The following PIEZO2 variants were observed in gnomAD, a reference collection of about 807,000 sequenced individuals.
The protein encoded by PIEZO2 is piezo-type mechanosensitive ion channel component 2.
In PIEZO2, 172 loss-of-function variants were observed where a neutral mutation model predicts 337.3. That is an observed-to-expected ratio of 0.51 (90% CI 0.45 to 0.58). PIEZO2 has a LOEUF of 0.58. Among genes scored for constraint, PIEZO2 ranks in the 20% least tolerant of loss-of-function variants. PIEZO2 has a pLI of 0.00. For missense variants in PIEZO2, 3,028 were observed against 3,391.3 expected (o/e 0.89, Z 2.66); for synonymous variants, 1,251 against 1,228.5 (o/e 1.02, Z -0.38).
intron 42 of PIEZO2, chr18:10,704,151 T>G (rs940586693): frequency 5.5e-6 from 3 of 542,234 alleles, no homozygotes; most frequent in African/African-American, 1.9e-5. Flanking sequence ...TAAATGGGAA[T>G]GATGCCAGTA....
intron 27 of PIEZO2, 25 bp from the exon 28 acceptor site, chr18:10,752,904 A>G: frequency 1.3e-6 from 2 of 1,518,692 alleles, no homozygotes; most frequent in Middle Eastern, 3.5e-4. Flanking sequence ...CAGTGACAAA[A>G]AGACAACAAC....
At chr18:10,718,831 T>C (rs919622940) in intron 36 of PIEZO2, among the ~76,000 whole-genome samples, 2 of 151,578 alleles carry the variant, frequency 1.3e-5, no homozygotes, top group Admixed American at 1.3e-4. Flanking sequence ...GGGCAACATA[T>C]AGAAAATCAA....
Position 10,704,548 on chromosome 18 carries a change from G to A in PIEZO2, c.6104C>T (p.Ser2035Leu), listed in dbSNP as rs1343781404. ...YAMYNTLVAR[S>L]EMVCYFVIIL... ...GATCACGAAGTAGCACACCATCTCC[G>A]AGCGGGCCACCAGGGTATTGTACAT... Residue 2035 changes from serine (S) to leucine (L), a missense_variant, in exon 42 of 56, where the codon TCG becomes TTG. This residue lies in a region of PIEZO2 where 1,925 missense variants were observed against 2,051.9 expected (regional missense o/e 0.94). Coordinates refer to ENST00000674853, the MANE Select transcript of PIEZO2 (RefSeq NM_001378183.1). The A allele has an allele frequency of 6.5e-7, 1 of 1,537,258 alleles. No homozygotes were observed.
chr18:11,093,128 G>T (rs1598948453), intron 1 of PIEZO2, among the ~76,000 whole-genome samples: 1 of 152,150 alleles, frequency 6.6e-6, no homozygotes, highest in East Asian at 1.9e-4. Context: ...GCTGTAGATT[G>T]TTAGGTAGCT....
rs1049762958 is a variant in PIEZO2, at chr18:10,903,133, A to G, written c.329+8053T>C. On this transcript the variant is annotated intron_variant, in intron 4 of 55. Transcript: ENST00000674853. The surrounding 1 kb of genome is among the most constrained non-coding windows in gnomAD (Gnocchi z 4.1). ...ACACGCTGACAGTCAATTATTCACC[A>G]AGTTGTAACTTCGAATTCTACTTAC... Among the ~76,000 whole-genome samples, 4 of 152,136 alleles carry G rather than the reference A, an allele frequency of 2.6e-5. No individual in the cohort carries two copies. The highest frequency in any genetic ancestry group is 9.7e-5 in the African/African-American group (4 of 41,412).
At position 10,979,469 on chromosome 18, in the gene PIEZO2, G is replaced by A; in HGVS notation, c.286+66C>T. 1.5e-6 allele frequency: 2 copies of A among 1,328,814 alleles called. No homozygotes were observed. The highest frequency in any genetic ancestry group is 4.1e-5 in the South Asian group (2 of 48,306). 82.3% of individuals were successfully genotyped at this position (1,328,814 alleles called of 1,614,324 possible). On this transcript the variant is annotated intron_variant, in intron 3 of 55. Coordinates refer to ENST00000674853, the MANE Select transcript of PIEZO2 (RefSeq NM_001378183.1). This position sits in a 1 kb window ranked among gnomAD's most constrained non-coding sequence, Gnocchi z 4.0. ...ATTTCTATGTGTGCGATGACACACAGCTTTATTATGCACGTATATAAAAGA... is the reference window on the plus strand; with the variant it reads ...ATTTCTATGTGTGCGATGACACACAACTTTATTATGCACGTATATAAAAGA...
At chr18:11,139,125 G>C (rs761077240) in intron 1 of PIEZO2, among the ~76,000 whole-genome samples, 6 of 152,170 alleles carry the variant, frequency 3.9e-5, no homozygotes, top group Non-Finnish European at 8.8e-5. Flanking sequence ...ACTGCTCGAA[G>C]CACTCTATAA....
chr18:10,856,916 T>C lies in PIEZO2; in HGVS notation c.703+85A>G. On this transcript the variant is annotated intron_variant, in intron 6 of 55. Coordinates refer to ENST00000674853, the MANE Select transcript of PIEZO2 (RefSeq NM_001378183.1). The surrounding 1 kb of genome is among the most constrained non-coding windows in gnomAD (Gnocchi z 4.7). ...CATGTGGTGGAACAGACTGTTTCCT[T>C]CATTTCTTCTTCAACCATTTCTCTC... is the stretch of plus-strand genomic sequence containing the variant. 1 of 1,251,040 alleles carries C rather than the reference T, an allele frequency of 8.0e-7. No individual in the cohort carries two copies. Among genetic ancestry groups the C allele is most frequent in the South Asian group, 1.3e-5 (1 of 74,864 alleles). The allele number at this position is 1,251,040 out of a possible 1,614,324, so 77.5% of individuals were successfully genotyped here.
In PIEZO2 at chr18:10,988,620, A is replaced by G. The variant is rs1213021145; in HGVS notation, c.161-8960T>C. On this transcript the variant is annotated intron_variant, in intron 2 of 55. Transcript: ENST00000674853. This position sits in a 1 kb window ranked among gnomAD's most constrained non-coding sequence, Gnocchi z 4.8. ...ACTGAAATCAGGATGTCAAAAACCT[A>G]TCTGCACACCCATGTTTACTACAGC... 6.6e-6 allele frequency among the ~76,000 whole-genome samples: 1 copy of G among 152,200 alleles called. No homozygotes were observed. The highest frequency in any genetic ancestry group is 1.5e-5 in the Non-Finnish European group (1 of 68,030).
intron 3 of PIEZO2, among the ~76,000 whole-genome samples, chr18:10,972,190 A>T: frequency 6.7e-6 from 1 of 149,784 alleles, no homozygotes; most frequent in Admixed American, 6.6e-5. Context: ...AAAAAAAAAA[A>T]AGAGAGAGAG....
At chr18:11,025,530 C>T (rs915322661) in intron 2 of PIEZO2, among the ~76,000 whole-genome samples, 1 of 152,124 alleles carries the variant, frequency 6.6e-6, no homozygotes, top group Admixed American at 6.5e-5. Flanking sequence ...GGTGCACTAG[C>T]GATCCCATTC....
intron 39 of PIEZO2, among the ~76,000 whole-genome samples, chr18:10,710,712 TG>T (rs1259131010): frequency 6.6e-6 from 1 of 152,230 alleles, no homozygotes; most frequent in East Asian, 1.9e-4. Context: ...TGGGTGAGCA[TG>T]ACCTCACTGG....
chr18:10,786,962 T>C (rs2039244514), intron 16 of PIEZO2, 74 bp downstream of exon 16: 2 of 1,362,048 alleles, frequency 1.5e-6, no homozygotes, highest in South Asian at 2.7e-5. Context: ...ACTAAAATCT[T>C]CCTTAAAGAT....
In PIEZO2 at chr18:10,672,924, C is replaced by T. The variant is rs2033843674; in HGVS notation, c.8162-51G>A. 1.4e-6 allele frequency: 2 copies of T among 1,461,916 alleles called. No homozygotes were observed. Among genetic ancestry groups the T allele is most frequent in the South Asian group, 1.3e-5 (1 of 79,936 alleles). 90.6% of individuals were successfully genotyped at this position (1,461,916 alleles called of 1,614,324 possible). A position where few individuals can be genotyped will look rare whatever the true frequency, so the allele number is the denominator to read the frequency against. On this transcript the variant is annotated intron_variant, in intron 54 of 55. Transcript: ENST00000674853. The surrounding 1 kb of genome is among the most constrained non-coding windows in gnomAD (Gnocchi z 4.7). ...AGTTGACATGAGAATTTTAGGATTT[C>T]ATGCACAGCAACAGTTTTCAGATGG...
At chr18:11,141,228 C>T (rs945804009) in intron 1 of PIEZO2, among the ~76,000 whole-genome samples, 2 of 152,110 alleles carry the variant, frequency 1.3e-5, no homozygotes, top group Non-Finnish European at 2.9e-5. Context: ...GAGAAAAGAG[C>T]CTATTTGCCG....
rs1184122024 is a variant in PIEZO2 at position 10,878,199 on chromosome 18, C to T, written c.330-6784G>A. On this transcript the variant is annotated intron_variant, in intron 4 of 55. Transcript: ENST00000674853. The surrounding 1 kb of genome is among the most constrained non-coding windows in gnomAD (Gnocchi z 4.3). ...CTGTTTCATCTGTTTCCCTGGGGAC[C>T]AGCATGGTAGATGGTGCAGTGTAAA... 6.6e-6 allele frequency among the ~76,000 whole-genome samples: 1 copy of T among 152,220 alleles called. No homozygotes were observed. Among genetic ancestry groups the T allele is most frequent in the African/African-American group, 2.4e-5 (1 of 41,456 alleles).
intron 18 of PIEZO2, among the ~76,000 whole-genome samples, chr18:10,778,373 C>T (rs1412050303): frequency 6.8e-6 from 1 of 146,926 alleles, no homozygotes; most frequent in African/African-American, 2.5e-5. Context: ...CGCTCTGTCG[C>T]CCAGGCTGGA....
Position 11,078,063 on chromosome 18 carries a change from CA to C in PIEZO2, c.65-11842del, listed in dbSNP as rs996076209. ...ACACACACCCACACACACACACACACACACCACACACACAAAAACAAACATA... is the reference window on the plus strand; with the variant it reads ...ACACACACCCACACACACACACACACCACCACACACACAAAAACAAACATA... On this transcript the variant is annotated intron_variant, in intron 1 of 55. Transcript: ENST00000674853. The surrounding 1 kb of genome is among the most constrained non-coding windows in gnomAD (Gnocchi z 5.3). 2.7e-5 allele frequency among the ~76,000 whole-genome samples: 4 copies of C among 150,144 alleles called. No homozygotes were observed. Among genetic ancestry groups the C allele is most frequent in the Admixed American group, 1.3e-4 (2 of 15,040 alleles).
rs542114016 is a variant in PIEZO2 at position 10,841,401 on chromosome 18, A to G, written c.917+13952T>C. On this transcript the variant is annotated intron_variant, in intron 7 of 55. Coordinates refer to ENST00000674853, the MANE Select transcript of PIEZO2 (RefSeq NM_001378183.1). Reference sequence around the variant, plus strand: ...AAAAGATGTAGCTTGTAGTTGAGCCACAGTGGGGGAGGCCAAGGCAAGCTA... The same window carrying G: ...AAAAGATGTAGCTTGTAGTTGAGCCGCAGTGGGGGAGGCCAAGGCAAGCTA... Among the ~76,000 whole-genome samples, 234 of 152,292 alleles carry G rather than the reference A, an allele frequency of 1.5e-3. 3 individuals are homozygous for G. The highest frequency in any genetic ancestry group is 5.3e-4 in the Non-Finnish European group (36 of 68,026).
Sources: allele counts gnomAD v4.1 joint callset (sites outside exome capture counted in the v4.1 genomes callset), GRCh38; gene constraint gnomAD v4.1.1; regional missense constraint gnomAD v4.1.1; non-coding constraint Gnocchi (gnomAD v3.1); transcripts MANE v1.5; gene names NCBI Gene and HGNC (gene_info 2026-07-23, HGNC 2026-07-21).